HK1: variants seen among roughly 807,000 people sequenced by gnomAD.
HK1 encodes hexokinase 1.
HK1 carries 28 observed loss-of-function variants against 91.6 expected under a neutral mutation model. That is an observed-to-expected ratio of 0.31 (90% CI 0.23 to 0.42). The LOEUF is 0.42. Ranked by LOEUF, HK1 falls within the 10% of genes least tolerant of loss-of-function variation. The pLI, the probability that HK1 is intolerant of heterozygous loss-of-function variation, is 1.00. For missense variants in HK1, 770 were observed against 1,219.8 expected, an observed-to-expected ratio of 0.63 and a Z score of 5.49; for synonymous variants, 430 against 468.1, an observed-to-expected ratio of 0.92 and a Z score of 1.05.
intron 14 of HK1, 114 bp from the exon 15 acceptor site, chr10:69,392,011 A>G: frequency 2.1e-6 from 2 of 955,048 alleles, no homozygotes; most frequent in South Asian, 1.3e-5. Context: ...TACTTTGTTC[A>G]TCACAAAAAA....
At chr10:69,389,125 A>G in intron 13 of HK1, 72 bp from the exon 14 acceptor site, 1 of 1,171,956 alleles carries the variant, frequency 8.5e-7, no homozygotes, top group Non-Finnish European at 1.3e-6. Flanking sequence ...GCAGTGCAAC[A>G]GACAGAACCG....
At chr10:69,364,322 T>C (rs776989127) in intron 3 of HK1, among the ~76,000 whole-genome samples, 14 of 152,266 alleles carry the variant, frequency 9.2e-5, no homozygotes, top group Admixed American at 2.0e-4. Flanking sequence ...AATTGTTAAG[T>C]CACTCCAGTG....
In HK1 at chr10:69,400,999, G is replaced by T. The variant is rs760862468; in HGVS notation, c.2618G>T (p.Arg873Ile). 1 of 1,614,100 alleles carries T rather than the reference G, an allele frequency of 6.2e-7. No individual in the cohort carries two copies. The highest frequency in any genetic ancestry group is 8.5e-7 in the Non-Finnish European group (1 of 1,180,050). ...TLYKLHPHFS[R>I]IMHQTVKELS... ...TTTCTCGTCCTTTTTAGCTTCTCCA[G>T]AATCATGCACCAGACGGTGAAGGAA... The change falls in exon 18 of 18, where the codon AGA becomes ATA. Residue 873 changes from arginine (R) to isoleucine (I), a missense_variant. Around this residue, in one of 7 missense-constraint regions of HK1, gnomAD observed 78 missense variants for 99.0 expected, o/e 0.79. Coordinates refer to ENST00000359426, the MANE Select transcript of HK1 (RefSeq NM_000188.3).
At chr10:69,394,891 G>T in intron 15 of HK1, 59 bp from the exon 16 acceptor site, 2 of 1,563,124 alleles carry the variant, frequency 1.3e-6, no homozygotes, top group Non-Finnish European at 1.8e-6. Flanking sequence ...TGAGACCGAG[G>T]GGTGACAGTT....
intron 10 of HK1, 35 bp downstream of exon 10, chr10:69,382,826 G>A (rs373066071): frequency 1.3e-4 from 201 of 1,599,206 alleles, no homozygotes; most frequent in Non-Finnish European, 1.6e-4. Flanking sequence ...TGCCTGTCCT[G>A]CTCCTGCCAG....
intron 1 of HK1, among the ~76,000 whole-genome samples, chr10:69,340,837 C>T (rs1262892569): frequency 6.6e-6 from 1 of 152,182 alleles, no homozygotes; most frequent in Non-Finnish European, 1.5e-5. Context: ...GTTTATGTGG[C>T]TCATCAGGCC....
Position 69,341,179 on chromosome 10 carries a change from G to T in HK1, c.64-2648G>T, listed in dbSNP as rs1409442108. ...ATATTTCTTTCTTTCTTTTTTTTTT[G>T]GAGACTGGATCTAAGTCTGTCACCC... On this transcript the variant is annotated intron_variant, in intron 1 of 17. Coordinates refer to ENST00000359426, the MANE Select transcript of HK1 (RefSeq NM_000188.3). 5.9e-3 allele frequency among the ~76,000 whole-genome samples: 830 copies of T among 141,418 alleles called. 4 individuals carry two copies. The highest frequency in any genetic ancestry group is 0.02 in the African/African-American group (761 of 38,038). 92.8% of individuals were successfully genotyped at this position (141,418 alleles called of 152,430 possible).
At position 69,396,415 on chromosome 10, in the gene HK1, C is replaced by T. The variant is rs920218396; in HGVS notation, c.2375+1310C>T. ...GTGACATTAAGTACATTCACATAGTCGCACAGCTATCACCACCATCCATTT... is the reference window on the plus strand; with the variant it reads ...GTGACATTAAGTACATTCACATAGTTGCACAGCTATCACCACCATCCATTT... On this transcript the variant is annotated intron_variant, in intron 16 of 17. Transcript: ENST00000359426. 1.8e-4 allele frequency among the ~76,000 whole-genome samples: 27 copies of T among 152,230 alleles called. 1 individual carries two copies. Among genetic ancestry groups the T allele is most frequent in the Middle Eastern group, 3.4e-3 (1 of 294 alleles).
intron 2 of HK1, among the ~76,000 whole-genome samples, chr10:69,355,916 C>G (rs1251013072): frequency 6.6e-6 from 1 of 152,158 alleles, no homozygotes; most frequent in East Asian, 1.9e-4. Context: ...TGCTGGGACA[C>G]TGGATATCCA....
chr10:69,386,278 C>T (rs1406167945), intron 12 of HK1, 45 bp from the exon 13 acceptor site: 1 of 1,509,270 alleles, frequency 6.6e-7, no homozygotes, highest in Non-Finnish European at 9.2e-7. Flanking sequence ...TTCTCCCCTT[C>T]CAGGTTAATT....
chr10:69,281,548 C>T (rs1293793614), intron 1 of HK1, among the ~76,000 whole-genome samples: 1 of 152,182 alleles, frequency 6.6e-6, no homozygotes, highest in Non-Finnish European at 1.5e-5. Context: ...CTATAGGAAG[C>T]CGTTCATGAA....
At chr10:69,399,549 G>T (rs1243326576) in intron 17 of HK1, among the ~76,000 whole-genome samples, 1 of 152,108 alleles carries the variant, frequency 6.6e-6, no homozygotes, top group Non-Finnish European at 1.5e-5. Flanking sequence ...CCACTCTCTT[G>T]TTCATCTGCT....
Position 69,392,311 on chromosome 10 carries a change from A to G in HK1, c.2219+3A>G. On this transcript the variant is annotated splice_donor_region_variant and intron_variant, in intron 15 of 17. Transcript: ENST00000359426. ...TCCCTAAATGCTGGGAAACAAAGGT[A>G]ACCCCGCCTGGTGGAGAGGACACTC... 1 of 1,614,186 alleles carries G rather than the reference A, an allele frequency of 6.2e-7. No individual in the cohort carries two copies. Among genetic ancestry groups the G allele is most frequent in the South Asian group, 1.1e-5 (1 of 91,086 alleles).
chr10:69,335,205 A>G (rs893613652), intron 1 of HK1, among the ~76,000 whole-genome samples: 13 of 152,296 alleles, frequency 8.5e-5, no homozygotes, highest in African/African-American at 3.1e-4. Context: ...CGCAGAAGCC[A>G]TGTGCAGTCA....
At chr10:69,383,983 A>C (rs892087256) in intron 10 of HK1, among the ~76,000 whole-genome samples, 1 of 152,278 alleles carries the variant, frequency 6.6e-6, no homozygotes, top group African/African-American at 2.4e-5. Flanking sequence ...GATTTTGCAC[A>C]TGCAGGGAAG....
chr10:69,374,170 G>A (rs1315000041), intron 7 of HK1, among the ~76,000 whole-genome samples: 4 of 152,126 alleles, frequency 2.6e-5, no homozygotes, highest in South Asian at 4.1e-4. Flanking sequence ...GGAATCTCTC[G>A]GCAGCTCCGG....
rs749565558 is a variant in HK1 at position 69,369,093 on chromosome 10, T to C, written c.592-144T>C. The stretch of plus-strand genomic sequence containing the variant: ...ATCACCATGCTCTGATCTAGTTAAT[T>C]TGAGTACCAGCTGTAATGAAACCAG... On this transcript the variant is annotated intron_variant, in intron 5 of 17. Coordinates refer to ENST00000359426, the MANE Select transcript of HK1 (RefSeq NM_000188.3). The surrounding 1 kb of genome is among the most constrained non-coding windows in gnomAD (Gnocchi z 4.4). The C allele has an allele frequency of 1.3e-5, 9 of 713,244 alleles. No individual in the cohort carries two copies. The highest frequency in any genetic ancestry group is 1.8e-5 in the Non-Finnish European group (7 of 388,572). 44.2% of individuals were successfully genotyped at this position (713,244 alleles called of 1,614,324 possible).
upstream of HK1, among the ~76,000 whole-genome samples, chr10:69,314,506 C>T (rs1311909294): frequency 6.6e-6 from 1 of 152,152 alleles, no homozygotes; most frequent in East Asian, 1.9e-4. Context: ...CTAAGATGCT[C>T]CAATGGTTTA....
chr10:69,359,210 C>T (rs937072167), intron 2 of HK1, among the ~76,000 whole-genome samples: 1 of 152,012 alleles, frequency 6.6e-6, no homozygotes, highest in East Asian at 1.9e-4. Flanking sequence ...AGAGTAGAAT[C>T]GTGGATGCTG....
Sources: allele counts gnomAD v4.1 joint callset (sites outside exome capture counted in the v4.1 genomes callset), GRCh38; gene constraint gnomAD v4.1.1; regional missense constraint gnomAD v4.1.1; non-coding constraint Gnocchi (gnomAD v3.1); transcripts MANE v1.5; gene names NCBI Gene and HGNC (gene_info 2026-07-23, HGNC 2026-07-21).